The following PTPRG variants were observed in gnomAD, a reference collection of about 807,000 sequenced individuals.
PTPRG encodes the protein protein tyrosine phosphatase receptor type G.
PTPRG carries 102 observed loss-of-function variants against 165.3 expected under a neutral mutation model. That is an observed-to-expected ratio of 0.62 (90% CI 0.53 to 0.73). The LOEUF (loss-of-function observed/expected upper bound fraction) is 0.73, where lower values mean the gene tolerates loss of function less well. PTPRG is among the 30% of genes least tolerant of loss of function. PTPRG has a pLI of 0.00. For missense variants in PTPRG, 1,866 were observed against 1,861.4 expected, an observed-to-expected ratio of 1.00 and a Z score of -0.05; for synonymous variants, 675 against 669.5, an observed-to-expected ratio of 1.01 and a Z score of -0.13.
intron 4 of PTPRG, among the ~76,000 whole-genome samples, chr3:62,069,458 G>GT (rs140587163): frequency 7.7e-4 from 118 of 152,310 alleles, no homozygotes; most frequent in Non-Finnish European, 1.4e-3. Flanking sequence ...TTAGAAAGAA[G>GT]TGAGAGAAGA....
chr3:62,285,897 T>C (rs1702637835), intron 28 of PTPRG, among the ~76,000 whole-genome samples: 2 of 152,178 alleles, frequency 1.3e-5, no homozygotes, highest in South Asian at 4.1e-4. Context: ...GATACATGTA[T>C]CACCCTACTG....
chr3:62,223,686 T>TCA (rs375432507), intron 13 of PTPRG, among the ~76,000 whole-genome samples: 39 of 152,262 alleles, frequency 2.6e-4, no homozygotes, highest in African/African-American at 8.9e-4. Flanking sequence ...GCCTGGCACA[T>TCA]GGTGAATGTG....
intron 1 of PTPRG, among the ~76,000 whole-genome samples, chr3:61,675,912 G>A (rs73095548): frequency 0.051 from 7,797 of 152,164 alleles, 442 homozygotes; most frequent in African/African-American, 0.14. Context: ...GTGTCATTCC[G>A]TGGTAGCATG....
At chr3:61,861,125 TATCA>T (rs1309002397) in intron 2 of PTPRG, among the ~76,000 whole-genome samples, 1 of 152,238 alleles carries the variant, frequency 6.6e-6, no homozygotes. Flanking sequence ...TTGTTGAAGA[TATCA>T]ATCATTGGTT....
At chr3:61,587,443 G>A (rs561334184) in intron 1 of PTPRG, among the ~76,000 whole-genome samples, 22 of 151,986 alleles carry the variant, frequency 1.4e-4, no homozygotes, top group Non-Finnish European at 3.1e-4. Context: ...TTAAGTTGCA[G>A]CCGTGATGTT....
intron 1 of PTPRG, among the ~76,000 whole-genome samples, chr3:61,592,493 T>G (rs1198558311): frequency 6.6e-6 from 1 of 152,144 alleles, no homozygotes. Flanking sequence ...CTCTGAAGCT[T>G]AAACTGTGCC....
At chr3:62,285,768 G>C (rs1259850419) in intron 28 of PTPRG, among the ~76,000 whole-genome samples, 1 of 151,996 alleles carries the variant, frequency 6.6e-6, no homozygotes, top group Non-Finnish European at 1.5e-5. Flanking sequence ...TTAGAACATA[G>C]GCATGGTTCT....
chr3:62,197,069 G>A (rs1304859893), intron 10 of PTPRG, among the ~76,000 whole-genome samples: 1 of 152,208 alleles, frequency 6.6e-6, no homozygotes, highest in East Asian at 1.9e-4. Flanking sequence ...CACTGTAAGG[G>A]GTTCTGGAGT....
At chr3:61,611,590 T>G (rs138696421) in intron 1 of PTPRG, among the ~76,000 whole-genome samples, 1 of 152,324 alleles carries the variant, frequency 6.6e-6, no homozygotes, top group Non-Finnish European at 1.5e-5. Context: ...TTCAGTTTAT[T>G]TGGAGCTGCT....
chr3:61,796,715 T>G (rs2107150803), intron 2 of PTPRG, among the ~76,000 whole-genome samples: 1 of 152,368 alleles, frequency 6.6e-6, no homozygotes, highest in Non-Finnish European at 1.5e-5. Flanking sequence ...GTGTTGATTC[T>G]TAAGTGTGGC....
At chr3:61,969,870 T>A (rs2040346481) in intron 2 of PTPRG, among the ~76,000 whole-genome samples, 1 of 152,140 alleles carries the variant, frequency 6.6e-6, no homozygotes, top group African/African-American at 2.4e-5. Flanking sequence ...TACACACCCA[T>A]GTCCTTTCTC....
At chr3:62,112,288 A>G (rs763813366) in intron 5 of PTPRG, among the ~76,000 whole-genome samples, 1 of 151,950 alleles carries the variant, frequency 6.6e-6, no homozygotes, top group Non-Finnish European at 1.5e-5. Context: ...TATTTTTACT[A>G]GAGGCGGGTT....
chr3:61,866,582 C>CTTTTTTTTTTTTTTTTTTTTTTTTTTTTT (rs532356516), intron 2 of PTPRG, among the ~76,000 whole-genome samples: 2 of 69,112 alleles, frequency 2.9e-5, no homozygotes, highest in Non-Finnish European at 3.0e-5. Flanking sequence ...ACTGTTTGCT[C>CTTTTTTTTTTTTTTTTTTTTTTTTTTTTT]TTTTTTTTTT....
chr3:61,762,495 C>A (rs1221818497), intron 2 of PTPRG, among the ~76,000 whole-genome samples: 1 of 151,952 alleles, frequency 6.6e-6, no homozygotes, highest in Non-Finnish European at 1.5e-5. Flanking sequence ...CCTGTAATCC[C>A]AGCTACTTGG....
At chr3:61,868,227 C>T (rs2107431326) in intron 2 of PTPRG, among the ~76,000 whole-genome samples, 1 of 152,274 alleles carries the variant, frequency 6.6e-6, no homozygotes, top group Non-Finnish European at 1.5e-5. Context: ...GCAGTGGACC[C>T]TGTTAGATCT....
At chr3:61,855,532 C>T (rs939300723) in intron 2 of PTPRG, among the ~76,000 whole-genome samples, 1 of 151,730 alleles carries the variant, frequency 6.6e-6, no homozygotes, top group Non-Finnish European at 1.5e-5. Context: ...CCATGTAAAA[C>T]TTCAAAACTC....
chr3:61,753,130 C>T (rs1246361133), intron 2 of PTPRG, among the ~76,000 whole-genome samples: 1 of 152,058 alleles, frequency 6.6e-6, no homozygotes, highest in Non-Finnish European at 1.5e-5. Context: ...TAAATTTCAT[C>T]TGCTAGTAAA....
chr3:61,955,707 C>T (rs927229137), intron 2 of PTPRG, among the ~76,000 whole-genome samples: 1 of 152,126 alleles, frequency 6.6e-6, no homozygotes, highest in Non-Finnish European at 1.5e-5. Flanking sequence ...GATTACCATA[C>T]TGTGTTACTC....
intron 1 of PTPRG, among the ~76,000 whole-genome samples, chr3:61,614,088 A>G (rs1489078047): frequency 6.6e-6 from 1 of 152,158 alleles, no homozygotes; most frequent in Non-Finnish European, 1.5e-5. Context: ...TACAGATGAA[A>G]AAATCCAAAC....
Sources: gnomAD v4.1 joint callset for allele counts (sites outside exome capture counted in the v4.1 genomes callset) on GRCh38, gnomAD v4.1.1 for gene constraint, MANE v1.5 for transcripts, NCBI Gene and HGNC (gene_info 2026-07-23, HGNC 2026-07-21) for gene names.